IFT74: variants seen among roughly 807,000 people sequenced by gnomAD.
IFT74 encodes the protein intraflagellar transport protein 74 homolog.
A neutral mutation model predicts 96.7 loss-of-function variants in IFT74; 92 were observed. The observed-to-expected ratio is 0.95, with a 90% CI of 0.80 to 1.13. IFT74 has a LOEUF of 1.13. Among genes scored for constraint, IFT74 ranks in the 50% most tolerant of loss-of-function variants. The pLI is 0.00. For synonymous variants in IFT74, 223 were observed against 213.2 expected, an observed-to-expected ratio of 1.05 and a Z score of -0.40; for missense variants, 811 against 698.2, an observed-to-expected ratio of 1.16 and a Z score of -1.82.
intron 13 of IFT74, among the ~76,000 whole-genome samples, chr9:27,037,694 C>A (rs1420454525): frequency 1.3e-5 from 2 of 152,212 alleles, no homozygotes; most frequent in Non-Finnish European, 2.9e-5. Context: ...GTTACATGGT[C>A]AAGCCAGGTC....
At chr9:26,978,696 T>C (rs1279703616) in intron 3 of IFT74, among the ~76,000 whole-genome samples, 5 of 152,194 alleles carry the variant, frequency 3.3e-5, no homozygotes, top group African/African-American at 4.8e-5. Flanking sequence ...AGATAGTTCC[T>C]ATATTAAAAT....
At chr9:26,949,668 G>A (rs1480146058) in intron 1 of IFT74, among the ~76,000 whole-genome samples, 2 of 152,192 alleles carry the variant, frequency 1.3e-5, no homozygotes, top group Non-Finnish European at 2.9e-5. Flanking sequence ...AGCCAACGAG[G>A]AGGATGGGAG....
At chr9:26,993,757 T>C (rs10967649) in intron 8 of IFT74, 2 of 152,088 alleles carry the variant, frequency 1.3e-5, no homozygotes, top group Non-Finnish European at 2.9e-5. Flanking sequence ...CTTATTTAGC[T>C]CCCAGCTCCA....
chr9:27,057,907 T>A (rs972962830), intron 18 of IFT74, among the ~76,000 whole-genome samples: 8 of 152,236 alleles, frequency 5.3e-5, no homozygotes, highest in African/African-American at 1.9e-4. Context: ...GTGATCATGA[T>A]AGAGCAAAAT....
rs1444493767 is a variant in IFT74 at position 27,065,131 on chromosome 9, T to G, written c.*2395T>G. Among the ~76,000 whole-genome samples the G allele has an allele frequency of 6.6e-6, 1 of 152,132 alleles. No homozygotes were observed. The highest frequency in any genetic ancestry group is 2.4e-5 in the African/African-American group (1 of 41,442). On this transcript the variant is annotated 3_prime_UTR_variant, in exon 20 of 20. Coordinates refer to ENST00000380062, the MANE Select transcript of IFT74 (RefSeq NM_025103.4). ...ATGGGAAATTTGGCAGGAAAAAAAT[T>G]TCTTGACAAAAAGCAAGGCTTTCAA... is the stretch of plus-strand genomic sequence containing the variant.
Position 27,055,787 on chromosome 9 carries a change from A to G in IFT74, c.1497+15A>G. On this transcript the variant is annotated intron_variant, in intron 17 of 19. Transcript: ENST00000380062. Reference sequence around the variant, plus strand: ...AAAAGATAAAGGTAAATGTTAACCAAGTCTTACAGAATTACAATTCAGATT... The same window carrying G: ...AAAAGATAAAGGTAAATGTTAACCAGGTCTTACAGAATTACAATTCAGATT... 1 of 1,462,252 alleles carries G rather than the reference A, an allele frequency of 6.8e-7. No individual in the cohort carries two copies. Among genetic ancestry groups the G allele is most frequent in the Non-Finnish European group, 9.1e-7 (1 of 1,099,486 alleles). 90.6% of individuals were successfully genotyped at this position (1,462,252 alleles called of 1,614,324 possible). A position where few individuals can be genotyped will look rare whatever the true frequency, so the allele number is the denominator to read the frequency against.
intron 10 of IFT74, among the ~76,000 whole-genome samples, chr9:27,015,069 A>C (rs1463057846): frequency 6.6e-6 from 1 of 152,260 alleles, no homozygotes; most frequent in Admixed American, 6.5e-5. Flanking sequence ...CAGGTGAAGG[A>C]TTAACATGAG....
Position 26,961,978 on chromosome 9 carries a change from A to G in IFT74, c.11A>G (p.Asn4Ser), listed in dbSNP as rs202023493. MAS[N>S]HKSSAARPVS... ...TAAAGTGAAGAAACAATGGCCAGCA[A>G]TCACAAATCTTCAGCAGCTCGCCCT... Residue 4 changes from asparagine (N) to serine (S), a missense_variant, in exon 2 of 20, where the codon AAT becomes AGT. Physicochemically the swap from Asn to Ser is conservative, Grantham distance 46. Coordinates refer to ENST00000380062, the MANE Select transcript of IFT74 (RefSeq NM_025103.4). 1.1e-4 allele frequency: 182 copies of G among 1,614,082 alleles called. No homozygotes were observed. Among genetic ancestry groups the G allele is most frequent in the Non-Finnish European group, 7.3e-5 (86 of 1,180,018 alleles).
chr9:27,031,235 T>A (rs942348140), intron 13 of IFT74, among the ~76,000 whole-genome samples: 4 of 152,156 alleles, frequency 2.6e-5, no homozygotes, highest in Non-Finnish European at 4.4e-5. Context: ...TCCCAGCACT[T>A]TGGGATGCCG....
intron 12 of IFT74, among the ~76,000 whole-genome samples, chr9:27,021,638 C>T (rs1166941031): frequency 1.3e-5 from 2 of 152,016 alleles, no homozygotes; most frequent in Non-Finnish European, 2.9e-5. Flanking sequence ...TTTTGAGAGT[C>T]ATCTATTCAT....
At chr9:26,963,873 A>C (rs1054729520) in intron 2 of IFT74, among the ~76,000 whole-genome samples, 1 of 152,210 alleles carries the variant, frequency 6.6e-6, no homozygotes, top group African/African-American at 2.4e-5. Flanking sequence ...GCCCTTTGTC[A>C]GATGAGTAGG....
chr9:27,003,030 T>G (rs1458019127), intron 8 of IFT74, among the ~76,000 whole-genome samples: 1 of 152,178 alleles, frequency 6.6e-6, no homozygotes, highest in Non-Finnish European at 1.5e-5. Flanking sequence ...TTCCAAGGTA[T>G]TTTATATTCT....
At chr9:26,985,837 AT>A (rs1827607940) in intron 6 of IFT74, among the ~76,000 whole-genome samples, 1 of 152,194 alleles carries the variant, frequency 6.6e-6, no homozygotes, top group South Asian at 2.1e-4. Flanking sequence ...AAATTTTGAA[AT>A]TTAATTATTA....
Position 26,973,168 on chromosome 9 carries a change from A to T in IFT74, c.121-4960A>T, listed in dbSNP as rs76946763. On this transcript the variant is annotated intron_variant, in intron 2 of 19. Coordinates refer to ENST00000380062, the MANE Select transcript of IFT74 (RefSeq NM_025103.4). ...AGCATCCTTCAAATCTATTACTGTG[A>T]ACCACTGATGATCATAAGGAATTTG... Among the ~76,000 whole-genome samples the T allele has an allele frequency of 9.3e-4, 141 of 152,310 alleles. 1 individual carries two copies. The East Asian group carries it at 0.026, about 28-fold the overall frequency.
intron 2 of IFT74, 47 bp downstream of exon 2, chr9:26,962,134 G>T (rs1259079066): frequency 1.3e-6 from 2 of 1,596,956 alleles, no homozygotes; most frequent in Non-Finnish European, 1.7e-6. Context: ...AAGGTGGGAG[G>T]ACCACTTGAG....
At chr9:26,978,463 T>C (rs373490435) in intron 3 of IFT74, among the ~76,000 whole-genome samples, 200 bp downstream of exon 3, 1 of 152,200 alleles carries the variant, frequency 6.6e-6, no homozygotes, top group African/African-American at 2.4e-5. Flanking sequence ...CATCTAATCG[T>C]TATTCTTTGA....
chr9:26,958,655 C>T (rs1446658300), intron 1 of IFT74, among the ~76,000 whole-genome samples: 1 of 152,034 alleles, frequency 6.6e-6, no homozygotes, highest in Non-Finnish European at 1.5e-5. Context: ...AAATTTTGAG[C>T]AGATGATAAT....
intron 12 of IFT74, among the ~76,000 whole-genome samples, chr9:27,024,952 C>G (rs1829786539): frequency 6.7e-6 from 1 of 150,014 alleles, no homozygotes; most frequent in South Asian, 2.1e-4. Flanking sequence ...ATAACCCAAT[C>G]CAACAAAGAC....
At chr9:27,015,335 A>G (rs1289973024) in intron 10 of IFT74, among the ~76,000 whole-genome samples, 1 of 152,048 alleles carries the variant, frequency 6.6e-6, no homozygotes, top group Non-Finnish European at 1.5e-5. Flanking sequence ...CTTCTTTCAT[A>G]CTTTTAGAAG....
Sources: allele counts gnomAD v4.1 joint callset (sites outside exome capture counted in the v4.1 genomes callset), GRCh38; gene constraint gnomAD v4.1.1; transcripts MANE v1.5; gene names NCBI Gene and HGNC (gene_info 2026-07-23, HGNC 2026-07-21).